The following PPARGC1A variants were observed in gnomAD, a reference collection of about 807,000 sequenced individuals.
The protein encoded by PPARGC1A is peroxisome proliferator-activated receptor gamma coactivator 1-alpha.
PPARGC1A carries 25 observed loss-of-function variants against 88.7 expected under a neutral mutation model. The ratio of observed to expected loss-of-function variants is 0.28; its 90% CI spans 0.21 to 0.39. PPARGC1A has a LOEUF of 0.39. Among genes scored for constraint, PPARGC1A ranks in the 10% least tolerant of loss-of-function variants. The pLI is 1.00. For missense variants in PPARGC1A, 880 were observed against 968.7 expected (o/e 0.91, Z 1.22); for synonymous variants, 363 against 355.6 (o/e 1.02, Z -0.24).
chr4:24,212,237 G>A, the PPARGC1A span, among the ~76,000 whole-genome samples: 5 of 152,268 alleles, frequency 3.3e-5, no homozygotes, highest in Non-Finnish European at 7.4e-5. Context: ...ATTGTTTACC[G>A]ATCATGCAGC....
chr4:23,970,231 T>C, the PPARGC1A span, among the ~76,000 whole-genome samples: 1 of 152,200 alleles, frequency 6.6e-6, no homozygotes, highest in Non-Finnish European at 1.5e-5. Flanking sequence ...CTCACCATAG[T>C]AGCAACCCTT....
At chr4:24,470,826 C>A in the PPARGC1A span, among the ~76,000 whole-genome samples, 1 of 151,780 alleles carries the variant, frequency 6.6e-6, no homozygotes, top group African/African-American at 2.4e-5. The surrounding 1 kb of genome is among the most constrained non-coding windows in gnomAD (Gnocchi z 5.8). Context: ...ATGTATTATT[C>A]ACTCGGATGG....
the PPARGC1A span, among the ~76,000 whole-genome samples, chr4:23,938,684 C>T: frequency 1.3e-5 from 2 of 152,090 alleles, no homozygotes; most frequent in African/African-American, 2.4e-5. Flanking sequence ...CACCATAGTC[C>T]CTTTCATTAG....
the PPARGC1A span, among the ~76,000 whole-genome samples, chr4:24,296,219 T>TTA: frequency 2.3e-4 from 34 of 149,734 alleles, no homozygotes; most frequent in Middle Eastern, 3.6e-3. Context: ...ATATATATAT[T>TTA]TATATATATA....
chr4:24,078,381 G>C, the PPARGC1A span, among the ~76,000 whole-genome samples: 2 of 152,118 alleles, frequency 1.3e-5, no homozygotes, highest in Non-Finnish European at 2.9e-5. Flanking sequence ...CTTTGAAAGA[G>C]AAGAGAGAAA....
chr4:24,450,784 T>C, the PPARGC1A span, among the ~76,000 whole-genome samples: 1 of 152,218 alleles, frequency 6.6e-6, no homozygotes, highest in Admixed American at 6.5e-5. Flanking sequence ...ATCTGAATAT[T>C]TGACCATTTG....
chr4:24,156,386 G>A, the PPARGC1A span, among the ~76,000 whole-genome samples: 1 of 151,394 alleles, frequency 6.6e-6, no homozygotes, highest in Non-Finnish European at 1.5e-5. Flanking sequence ...TCTTACTAAA[G>A]CTGGCAAGTG....
chr4:24,202,711 T>G, the PPARGC1A span, among the ~76,000 whole-genome samples: 1 of 152,132 alleles, frequency 6.6e-6, no homozygotes, highest in Non-Finnish European at 1.5e-5. Context: ...GCCAGCCCAT[T>G]CATCATTCTG....
the PPARGC1A span, among the ~76,000 whole-genome samples, chr4:24,305,412 T>C: frequency 2.6e-5 from 4 of 152,242 alleles, no homozygotes; most frequent in East Asian, 1.9e-4. Flanking sequence ...CAGTCTCCAT[T>C]TCCTGATCTA....
rs17847360 is a variant in PPARGC1A at position 23,813,753 on chromosome 4, G to A, written c.1730C>T (p.Ser577Leu). The A allele has an allele frequency of 4.8e-4, 782 of 1,613,228 alleles. 4 individuals carry two copies. The East Asian group carries it at 7.8e-3, about 16-fold the overall frequency. The change falls in exon 8 of 13, where the codon TCG (serine) becomes TTG (leucine). Residue 577 changes from serine to leucine, a missense_variant. Coordinates refer to ENST00000264867, the MANE Select transcript of PPARGC1A (RefSeq NM_013261.5). ...SRSRSFSRHR[S>L]CSRSPYSRSR... Reference sequence around the variant, plus strand: ...CCTGGAATATGGTGATCGGGAACACGACCTGTGTCGAGAAAAGGACCTTGA... The same window carrying A: ...CCTGGAATATGGTGATCGGGAACACAACCTGTGTCGAGAAAAGGACCTTGA...
the PPARGC1A span, among the ~76,000 whole-genome samples, chr4:24,312,290 G>A: frequency 4.6e-5 from 7 of 152,108 alleles, no homozygotes; most frequent in South Asian, 4.2e-4. Context: ...TTTAGCCTCC[G>A]TCACCAAACG....
chr4:24,020,718 G>A, the PPARGC1A span, among the ~76,000 whole-genome samples: 1 of 152,090 alleles, frequency 6.6e-6, no homozygotes, highest in Non-Finnish European at 1.5e-5. Context: ...GGGGGACAGA[G>A]GAGGCGCCTT....
the PPARGC1A span, among the ~76,000 whole-genome samples, chr4:24,059,854 A>G: frequency 2.0e-5 from 3 of 152,152 alleles, no homozygotes; most frequent in East Asian, 5.8e-4. Context: ...ATCTAGGGCA[A>G]TGTGGCCTAA....
At chr4:24,363,824 T>C in the PPARGC1A span, among the ~76,000 whole-genome samples, 4 of 152,148 alleles carry the variant, frequency 2.6e-5, no homozygotes, top group African/African-American at 7.2e-5. Flanking sequence ...AGTTCTCTTA[T>C]AAGGAGCAGA....
the PPARGC1A span, among the ~76,000 whole-genome samples, chr4:24,324,008 C>T: frequency 3.5e-4 from 53 of 152,316 alleles, no homozygotes; most frequent in Non-Finnish European, 6.6e-4. Flanking sequence ...AAAAGAGACA[C>T]GTTTTGTCCG....
chr4:24,171,611 C>T, the PPARGC1A span, among the ~76,000 whole-genome samples: 2 of 152,076 alleles, frequency 1.3e-5, no homozygotes, highest in Non-Finnish European at 2.9e-5. Context: ...CAGAAATATG[C>T]CTGGCACTTG....
At position 23,795,889 on chromosome 4, in the gene PPARGC1A, T is replaced by A. The variant is rs1274372187; in HGVS notation, c.2330A>T (p.Lys777Met). ...AAAATCCAGAGAGTCATACTTGCTC[T>A]TGGTGGAAGCAGGGTCAAAGTCATC... ...NSDDFDPAST[K>M]SKYDSLDFDS... The change falls in exon 13 of 13, where the codon AAG becomes ATG. Residue 777 changes from lysine (K) to methionine (M), a missense_variant. Physicochemically the swap from Lys to Met is moderately conservative, Grantham distance 95. Transcript: ENST00000264867. The A allele has an allele frequency of 2.5e-6, 4 of 1,612,214 alleles. No individual in the cohort carries two copies. The highest frequency in any genetic ancestry group is 3.4e-6 in the Non-Finnish European group (4 of 1,179,238).
At chr4:23,813,604 A>G in intron 8 of PPARGC1A, 86 bp downstream of exon 8, 1 of 1,273,958 alleles carries the variant, frequency 7.8e-7, no homozygotes, top group East Asian at 2.6e-5. Flanking sequence ...GAATGGCTGC[A>G]GATTTCAAAT....
chr4:24,190,978 G>A, the PPARGC1A span, among the ~76,000 whole-genome samples: 1 of 152,096 alleles, frequency 6.6e-6, no homozygotes, highest in African/African-American at 2.4e-5. Context: ...CATAAAATAG[G>A]GCAGCTCAGT....
Sources: allele counts gnomAD v4.1 joint callset (sites outside exome capture counted in the v4.1 genomes callset), GRCh38; gene constraint gnomAD v4.1.1; non-coding constraint Gnocchi (gnomAD v3.1); transcripts MANE v1.5; gene names NCBI Gene and HGNC (gene_info 2026-07-23, HGNC 2026-07-21).